The following KANSL1L variants were observed in gnomAD, a reference collection of about 807,000 sequenced individuals.
KANSL1L encodes KAT8 regulatory NSL complex subunit 1 like.
Under a neutral mutation model 108.6 loss-of-function variants are expected in KANSL1L, and 25 were observed. The ratio of observed to expected loss-of-function variants is 0.23; its 90% CI spans 0.17 to 0.32. The LOEUF (loss-of-function observed/expected upper bound fraction) is 0.32. Ranked by LOEUF, KANSL1L falls within the 10% of genes least tolerant of loss-of-function variation. KANSL1L has a pLI of 1.00. For synonymous variants in KANSL1L, 405 were observed against 395.1 expected, an observed-to-expected ratio of 1.03 and a Z score of -0.30; for missense variants, 1,137 against 1,125.7, an observed-to-expected ratio of 1.01 and a Z score of -0.14.
chr2:210,161,213 C>T (rs887667276), intron 1 of KANSL1L, among the ~76,000 whole-genome samples: 1 of 152,056 alleles, frequency 6.6e-6, no homozygotes, highest in African/African-American at 2.4e-5. Flanking sequence ...GTCTTAAACT[C>T]CTGACCTCAG....
rs757768828 is a variant in KANSL1L, at chr2:210,059,338, C to T, written c.1756-15234G>A. Among the ~76,000 whole-genome samples, 10 of 152,160 alleles carry T rather than the reference C, an allele frequency of 6.6e-5. 1 individual carries two copies. The highest frequency in any genetic ancestry group is 3.9e-4 in the Admixed American group (6 of 15,276). On this transcript the variant is annotated intron_variant, in intron 6 of 14. Coordinates refer to ENST00000281772, the MANE Select transcript of KANSL1L (RefSeq NM_152519.4). The stretch of plus-strand genomic sequence containing the variant: ...CAGAAGAGCAAGTGAGTCCCACTTC[C>T]GCCAGCACAGCTGGCCCTCCAGCTG...
intron 1 of KANSL1L, among the ~76,000 whole-genome samples, chr2:210,163,967 ATATATT>A (rs1278832266): frequency 2.0e-5 from 3 of 152,104 alleles, no homozygotes; most frequent in Non-Finnish European, 4.4e-5. Context: ...GGTTCATGAG[ATATATT>A]TTATTGTGAA....
chr2:210,058,836 CAAAA>C (rs71043968), intron 6 of KANSL1L, among the ~76,000 whole-genome samples: 3 of 65,814 alleles, frequency 4.6e-5, no homozygotes, highest in Non-Finnish European at 6.1e-5. Context: ...GACTCCGTCT[CAAAA>C]AAAAAAAAAA....
chr2:210,062,031 CA>C (rs1427970988), intron 6 of KANSL1L, among the ~76,000 whole-genome samples: 1 of 152,154 alleles, frequency 6.6e-6, no homozygotes, highest in Non-Finnish European at 1.5e-5. Flanking sequence ...GTATGAATAT[CA>C]AATTAAAAAT....
At chr2:210,129,675 CATT>C (rs2095102584) in intron 2 of KANSL1L, among the ~76,000 whole-genome samples, 1 of 152,060 alleles carries the variant, frequency 6.6e-6, no homozygotes, top group African/African-American at 2.4e-5. Flanking sequence ...TTATTTAAAT[CATT>C]TTTTAAAAGC....
rs2094106150 is a variant in KANSL1L, at chr2:210,036,553, A to G, written c.2029+3867T>C. On this transcript the variant is annotated intron_variant, in intron 8 of 14. Coordinates refer to ENST00000281772, the MANE Select transcript of KANSL1L (RefSeq NM_152519.4). Reference sequence around the variant, plus strand: ...TTTGTGTCTTCCTCCATTACATTATAATTTTGACTTCCTGTAATTCACCTT... The same window carrying G: ...TTTGTGTCTTCCTCCATTACATTATGATTTTGACTTCCTGTAATTCACCTT... 3.9e-5 allele frequency among the ~76,000 whole-genome samples: 6 copies of G among 152,256 alleles called. No individual in the cohort carries two copies. In the South Asian group the frequency reaches 1.2e-3, roughly 32 times the overall value.
chr2:210,167,097 T>A (rs777645786), intron 1 of KANSL1L, among the ~76,000 whole-genome samples: 3 of 151,880 alleles, frequency 2.0e-5, no homozygotes, highest in Non-Finnish European at 4.4e-5. Context: ...AAAGTCCAAT[T>A]AAACAAACAA....
At position 210,025,135 on chromosome 2, in the gene KANSL1L, C is replaced by T; in HGVS notation, c.2533G>A (p.Glu845Lys). The T allele has an allele frequency of 6.2e-7, 1 of 1,612,996 alleles. No homozygotes were observed. The highest frequency in any genetic ancestry group is 8.5e-7 in the Non-Finnish European group (1 of 1,179,014). ...TTTCTTCTGTGCCACTTGCTTTGCTCCCATAGTGACCACCTGGCTTGCTCT... is the reference window on the plus strand; with the variant it reads ...TTTCTTCTGTGCCACTTGCTTTGCTTCCATAGTGACCACCTGGCTTGCTCT... The part of the protein sequence containing the change: ...EREQARWSLW[E>K]QSKWHRRNSR... The change falls in exon 13 of 15, where the codon GAG (glutamate) becomes AAG (lysine). Residue 845 changes from glutamate to lysine, a missense_variant. Glu to Lys is a moderately conservative substitution (Grantham distance 56). Around this residue, in one of 3 missense-constraint regions of KANSL1L, gnomAD observed 575 missense variants for 567.1 expected, o/e 1.01. Coordinates refer to ENST00000281772, the MANE Select transcript of KANSL1L (RefSeq NM_152519.4).
At chr2:210,111,086 TG>T (rs1462866895) in intron 3 of KANSL1L, among the ~76,000 whole-genome samples, 2 of 151,804 alleles carry the variant, frequency 1.3e-5, no homozygotes, top group African/African-American at 2.4e-5. Flanking sequence ...CACTCCAGCC[TG>T]GCCAACAGAG....
chr2:210,055,193 T>TG (rs1161960927), intron 6 of KANSL1L, among the ~76,000 whole-genome samples: 1 of 152,230 alleles, frequency 6.6e-6, no homozygotes, highest in Non-Finnish European at 1.5e-5. Flanking sequence ...TATTTCTTCT[T>TG]GCCGCCACGT....
chr2:210,035,359 A>G (rs2094086836), intron 8 of KANSL1L: 2 of 152,194 alleles, frequency 1.3e-5, no homozygotes, highest in African/African-American at 4.8e-5. Flanking sequence ...GCCTGAAATC[A>G]GCAATGCCAT....
chr2:210,131,432 C>T (rs2095119107), intron 2 of KANSL1L, among the ~76,000 whole-genome samples: 1 of 152,050 alleles, frequency 6.6e-6, no homozygotes, highest in African/African-American at 2.4e-5. Flanking sequence ...TTAAGTTTTG[C>T]TCCAGTTGGA....
chr2:210,088,707 T>C (rs1424970860), intron 5 of KANSL1L: 1 of 152,474 alleles, frequency 6.6e-6, no homozygotes, highest in Non-Finnish European at 1.5e-5. Flanking sequence ...CAGGTGGGCA[T>C]TGGCTTGTTA....
At chr2:210,127,042 A>C (rs1305064817) in intron 3 of KANSL1L, among the ~76,000 whole-genome samples, 3 of 152,112 alleles carry the variant, frequency 2.0e-5, no homozygotes, top group Non-Finnish European at 4.4e-5. Flanking sequence ...TTTTAAAAAA[A>C]AAGAAGAAAA....
intron 3 of KANSL1L, among the ~76,000 whole-genome samples, chr2:210,124,423 A>C (rs1211302323): frequency 6.6e-6 from 1 of 152,142 alleles, no homozygotes; most frequent in African/African-American, 2.4e-5. Flanking sequence ...AATTACAAGA[A>C]AAATTAGAAA....
intron 2 of KANSL1L, among the ~76,000 whole-genome samples, chr2:210,151,204 A>G (rs528683193): frequency 6.6e-6 from 1 of 152,096 alleles, no homozygotes; most frequent in Admixed American, 6.5e-5. Flanking sequence ...TATTTTTTGT[A>G]TAGATGAGGT....
intron 6 of KANSL1L, among the ~76,000 whole-genome samples, chr2:210,073,864 T>G (rs2094524512): frequency 6.6e-6 from 1 of 152,038 alleles, no homozygotes; most frequent in Admixed American, 6.6e-5. Context: ...CGTTAATTCT[T>G]TAACACATTA....
intron 2 of KANSL1L, among the ~76,000 whole-genome samples, chr2:210,130,658 T>A (rs1425226877): frequency 6.6e-6 from 1 of 152,210 alleles, no homozygotes; most frequent in Admixed American, 6.5e-5. Flanking sequence ...AAATCACATT[T>A]TCCTAACTGT....
chr2:210,167,606 C>G (rs1414004983), intron 1 of KANSL1L, among the ~76,000 whole-genome samples: 4 of 151,854 alleles, frequency 2.6e-5, no homozygotes, highest in Admixed American at 6.6e-5. Context: ...GATTAATGAC[C>G]TACTGCTGAA....
Sources: allele counts gnomAD v4.1 joint callset (sites outside exome capture counted in the v4.1 genomes callset), GRCh38; gene constraint gnomAD v4.1.1; regional missense constraint gnomAD v4.1.1; transcripts MANE v1.5; gene names NCBI Gene and HGNC (gene_info 2026-07-23, HGNC 2026-07-21).